GALNT14: variants seen among roughly 807,000 people sequenced by gnomAD.
GALNT14 encodes the protein polypeptide N-acetylgalactosaminyltransferase 14.
A neutral mutation model predicts 77.5 loss-of-function variants in GALNT14; 60 were observed. The ratio of observed to expected loss-of-function variants is 0.77; its 90% confidence interval spans 0.63 to 0.96. The LOEUF (loss-of-function observed/expected upper bound fraction) is 0.96, where lower values mean the gene tolerates loss of function less well. GALNT14 is among the 40% of genes least tolerant of loss of function. The pLI is 0.00. For synonymous variants in GALNT14, 280 were observed against 281.7 expected, an observed-to-expected ratio of 0.99 and a Z score of 0.06; for missense variants, 710 against 731.0, an observed-to-expected ratio of 0.97 and a Z score of 0.33.
chr2:31,086,613 G>A (rs958688987), intron 1 of GALNT14, among the ~76,000 whole-genome samples: 22 of 151,228 alleles, frequency 1.5e-4, no homozygotes, highest in Admixed American at 6.6e-4. Flanking sequence ...CTAAGAAAAC[G>A]CATGAAGATG....
At chr2:31,029,215 A>C (rs2148476306) in intron 1 of GALNT14, among the ~76,000 whole-genome samples, 2 of 152,356 alleles carry the variant, frequency 1.3e-5, no homozygotes, top group South Asian at 4.1e-4. Context: ...GTAAAAGGAA[A>C]GGATGGACAA....
At chr2:31,002,004 C>T (rs775827702) in intron 1 of GALNT14, among the ~76,000 whole-genome samples, 8 of 152,182 alleles carry the variant, frequency 5.3e-5, no homozygotes, top group Non-Finnish European at 1.2e-4. Flanking sequence ...TTATAATCTG[C>T]GAAGCATTTT....
intron 1 of GALNT14, among the ~76,000 whole-genome samples, chr2:31,109,506 T>C (rs906176904): frequency 1.3e-5 from 2 of 152,194 alleles, no homozygotes; most frequent in Non-Finnish European, 2.9e-5. Flanking sequence ...TGATGCTCCC[T>C]TTCCTTCCTT....
chr2:30,998,159 C>T (rs1365785126), intron 1 of GALNT14, among the ~76,000 whole-genome samples: 2 of 152,206 alleles, frequency 1.3e-5, no homozygotes, highest in African/African-American at 4.8e-5. Context: ...GTCTGCCAAA[C>T]CCCTGGCCAA....
intron 1 of GALNT14, among the ~76,000 whole-genome samples, chr2:31,020,109 T>C (rs1244433305): frequency 6.6e-6 from 1 of 152,148 alleles, no homozygotes; most frequent in African/African-American, 2.4e-5. Flanking sequence ...TGCCAGCCAC[T>C]GCTGTCAGAA....
chr2:31,103,831 T>A (rs186371567), intron 1 of GALNT14, among the ~76,000 whole-genome samples: 1 of 152,306 alleles, frequency 6.6e-6, no homozygotes, highest in African/African-American at 2.4e-5. Flanking sequence ...AGTTTTAGTT[T>A]AGTTTTACAG....
intron 1 of GALNT14, chr2:31,132,486 C>T (rs1679042440): frequency 3.9e-6 from 1 of 254,090 alleles, no homozygotes. Context: ...GAAAGCACAG[C>T]ACCTTGTACA....
At chr2:30,891,737 T>A in the GALNT14 span, among the ~76,000 whole-genome samples, 1 of 152,166 alleles carries the variant, frequency 6.6e-6, no homozygotes, top group African/African-American at 2.4e-5. Context: ...ATTCAATCTA[T>A]TTTTAAGTGA....
rs139473830 is a variant in GALNT14, at chr2:30,953,455, C to T, written c.654+2163G>A. ...TCCCGAGTAGCTGGGACTACAGGTG[C>T]GTGCCACCACACTCAGCTAATTTTT... On this transcript the variant is annotated intron_variant, in intron 6 of 14. Transcript: ENST00000349752. Among the ~76,000 whole-genome samples, 674 of 152,126 alleles carry T rather than the reference C, an allele frequency of 4.4e-3. 9 individuals are homozygous for T. The highest frequency in any genetic ancestry group is 0.015 in the African/African-American group (633 of 41,520).
At chr2:30,975,099 T>A (rs1341244332) in intron 2 of GALNT14, among the ~76,000 whole-genome samples, 1 of 152,092 alleles carries the variant, frequency 6.6e-6, no homozygotes, top group African/African-American at 2.4e-5. Flanking sequence ...TATGGAGCCA[T>A]GAGTTGGGGA....
chr2:30,963,369 A>T (rs1468093500), intron 3 of GALNT14, among the ~76,000 whole-genome samples: 1 of 152,238 alleles, frequency 6.6e-6, no homozygotes, highest in Non-Finnish European at 1.5e-5. Context: ...TGAGGCTCCA[A>T]CTGGAGTGAG....
intron 1 of GALNT14, among the ~76,000 whole-genome samples, chr2:31,078,699 C>T (rs374008962): frequency 7.9e-5 from 12 of 152,276 alleles, no homozygotes; most frequent in African/African-American, 2.2e-4. Flanking sequence ...GGGGCCACAC[C>T]GCATGCTCAG....
chr2:31,067,708 A>G (rs929935604), intron 1 of GALNT14, among the ~76,000 whole-genome samples: 3 of 152,204 alleles, frequency 2.0e-5, no homozygotes, highest in Non-Finnish European at 4.4e-5. Flanking sequence ...AACCTCTGTC[A>G]CTTCCATACA....
intron 1 of GALNT14, among the ~76,000 whole-genome samples, chr2:31,100,100 T>C (rs1677190363): frequency 6.6e-6 from 1 of 152,020 alleles, no homozygotes; most frequent in Admixed American, 6.6e-5. Context: ...TATTATTAGT[T>C]CTTTTACATT....
intron 1 of GALNT14, among the ~76,000 whole-genome samples, chr2:31,070,602 G>A (rs1675304632): frequency 6.6e-6 from 1 of 152,242 alleles, no homozygotes; most frequent in African/African-American, 2.4e-5. Context: ...ACAGCCAGGA[G>A]CCAGCACAGC....
At chr2:31,053,570 G>T (rs936334964) in intron 1 of GALNT14, among the ~76,000 whole-genome samples, 1 of 152,064 alleles carries the variant, frequency 6.6e-6, no homozygotes, top group African/African-American at 2.4e-5. Flanking sequence ...ATGCAACCAG[G>T]GACCATGCCA....
At chr2:30,984,300 CTTTG>C (rs1210546476) in intron 2 of GALNT14, among the ~76,000 whole-genome samples, 1 of 152,238 alleles carries the variant, frequency 6.6e-6, no homozygotes, top group East Asian at 1.9e-4. Flanking sequence ...TCAGCCTGCA[CTTTG>C]TTTGGGACAG....
chr2:30,898,837 C>A, the GALNT14 span, among the ~76,000 whole-genome samples: 1 of 152,108 alleles, frequency 6.6e-6, no homozygotes, highest in South Asian at 2.1e-4. Flanking sequence ...GGAGGAGACT[C>A]TGGAGGCAAA....
At chr2:30,923,408 A>C (rs549951854) in intron 13 of GALNT14, among the ~76,000 whole-genome samples, 1 of 152,284 alleles carries the variant, frequency 6.6e-6, no homozygotes, top group East Asian at 1.9e-4. Context: ...TGAATTTGTC[A>C]GTGACCTTTA....
Sources: allele counts gnomAD v4.1 joint callset (sites outside exome capture counted in the v4.1 genomes callset), GRCh38; gene constraint gnomAD v4.1.1; transcripts MANE v1.5; gene names NCBI Gene and HGNC (gene_info 2026-07-23, HGNC 2026-07-21).